Variants in SLC4A10 observed in about 807,000 individuals in gnomAD.
SLC4A10 encodes solute carrier family 4 member 10, also known as sodium-driven chloride bicarbonate exchanger.
SLC4A10 carries 42 observed loss-of-function variants against 137.7 expected under a neutral mutation model. The observed-to-expected ratio is 0.30, with a 90% CI of 0.24 to 0.39. The LOEUF (loss-of-function observed/expected upper bound fraction) is 0.39, where lower values mean the gene tolerates loss of function less well. Ranked by LOEUF, SLC4A10 falls within the 10% of genes least tolerant of loss-of-function variation. The pLI, the probability that SLC4A10 is intolerant of heterozygous loss-of-function variation, is 1.00. For synonymous variants in SLC4A10, 474 were observed against 464.1 expected, an observed-to-expected ratio of 1.02 and a Z score of -0.27; for missense variants, 925 against 1,355.0, an observed-to-expected ratio of 0.68 and a Z score of 4.98.
intron 3 of SLC4A10, among the ~76,000 whole-genome samples, chr2:161,818,097 T>C (rs184503699): frequency 0.066 from 9,990 of 152,108 alleles, 411 homozygotes; most frequent in East Asian, 0.15. Flanking sequence ...TGATATTGAT[T>C]CTTCCTACCC....
chr2:161,770,981 TGAA>T lies in SLC4A10; in HGVS notation c.62_64del (p.Glu21del), dbSNP rs1437117111. 3 of 1,602,730 alleles carry T rather than the reference TGAA, an allele frequency of 1.9e-6. No individual in the cohort carries two copies. Among genetic ancestry groups the T allele is most frequent in the Non-Finnish European group, 2.6e-6 (3 of 1,172,964 alleles). ...TTATCCTCATTTAACAGAGAAATGA[TGAA>T]GAAGCAGTTGTGGATAGAGGTGGAA... On this transcript the variant is annotated inframe_deletion, in exon 2 of 27. Coordinates refer to ENST00000446997, the MANE Select transcript of SLC4A10 (RefSeq NM_001178015.2).
intron 11 of SLC4A10, among the ~76,000 whole-genome samples, chr2:161,897,473 G>A (rs1437921477): frequency 6.6e-6 from 1 of 152,130 alleles, no homozygotes; most frequent in Non-Finnish European, 1.5e-5. Flanking sequence ...TGCTTTGCCA[G>A]AGGTGGGCAA....
intron 1 of SLC4A10, among the ~76,000 whole-genome samples, chr2:161,681,183 G>C (rs1348416844): frequency 6.6e-6 from 1 of 152,096 alleles, no homozygotes; most frequent in Non-Finnish European, 1.5e-5. Flanking sequence ...AGAGAACATA[G>C]TGGACTCTCA....
intron 10 of SLC4A10, among the ~76,000 whole-genome samples, chr2:161,888,149 T>A (rs146020378): frequency 0.01 from 1,557 of 152,270 alleles, 19 homozygotes; most frequent in South Asian, 0.026. Context: ...TCTGTTCTGT[T>A]CCATTGGTCT....
intron 1 of SLC4A10, among the ~76,000 whole-genome samples, chr2:161,765,940 TAA>T (rs1201017141): frequency 3.9e-5 from 6 of 152,108 alleles, no homozygotes; most frequent in Admixed American, 3.9e-4. Flanking sequence ...AATGCTCTAT[TAA>T]AAAGTTTTGA....
chr2:161,679,686 C>T (rs1376890847), intron 1 of SLC4A10, among the ~76,000 whole-genome samples: 2 of 136,694 alleles, frequency 1.5e-5, no homozygotes, highest in African/African-American at 5.5e-5. Flanking sequence ...TGTAGGTCAA[C>T]GTGTGTGTGT....
chr2:161,878,889 C>T (rs1575416497), intron 8 of SLC4A10, among the ~76,000 whole-genome samples: 2 of 152,000 alleles, frequency 1.3e-5, no homozygotes, highest in Admixed American at 6.6e-5. Context: ...GCTGGAGAAA[C>T]TTCTTTTAAA....
At chr2:161,697,518 A>G (rs1339649340) in intron 1 of SLC4A10, among the ~76,000 whole-genome samples, 1 of 152,076 alleles carries the variant, frequency 6.6e-6, no homozygotes, top group African/African-American at 2.4e-5. Flanking sequence ...TCAACTTTCT[A>G]CATATGGCTA....
At chr2:161,693,132 A>G (rs1462854625) in intron 1 of SLC4A10, among the ~76,000 whole-genome samples, 1 of 152,032 alleles carries the variant, frequency 6.6e-6, no homozygotes. Context: ...TATGATTTTT[A>G]CACCTTAGAT....
At chr2:161,704,933 C>T (rs1310294325) in intron 1 of SLC4A10, among the ~76,000 whole-genome samples, 2 of 151,594 alleles carry the variant, frequency 1.3e-5, no homozygotes, top group East Asian at 3.9e-4. Context: ...ATTTTTAAGA[C>T]TCAATACATT....
intron 3 of SLC4A10, among the ~76,000 whole-genome samples, chr2:161,821,556 G>A (rs896597002): frequency 2.5e-4 from 38 of 152,252 alleles, no homozygotes; most frequent in African/African-American, 9.1e-4. Flanking sequence ...TTGAGCCCAG[G>A]AGTTCAGGGT....
intron 15 of SLC4A10, among the ~76,000 whole-genome samples, chr2:161,939,297 G>A (rs1559581063): frequency 6.6e-6 from 1 of 151,844 alleles, no homozygotes; most frequent in African/African-American, 2.4e-5. Context: ...GGATGGTCTC[G>A]ATCTCTTGAC....
chr2:161,716,803 T>C (rs1013870076), intron 1 of SLC4A10, among the ~76,000 whole-genome samples: 1 of 152,144 alleles, frequency 6.6e-6, no homozygotes, highest in Non-Finnish European at 1.5e-5. Context: ...CTTTTCTGGT[T>C]CCATATGAAT....
chr2:161,674,422 G>T (rs2040067299), intron 1 of SLC4A10, among the ~76,000 whole-genome samples: 1 of 152,184 alleles, frequency 6.6e-6, no homozygotes, highest in South Asian at 2.1e-4. Context: ...TATTATAGCA[G>T]ATGTTTAATA....
intron 1 of SLC4A10, among the ~76,000 whole-genome samples, chr2:161,701,112 A>G (rs75529773): frequency 0.011 from 1,729 of 152,186 alleles, 58 homozygotes; most frequent in East Asian, 0.09. Context: ...GAGAAAACTG[A>G]GACAGAAAGC....
At chr2:161,656,206 A>G (rs541953404) in intron 1 of SLC4A10, among the ~76,000 whole-genome samples, 1 of 152,336 alleles carries the variant, frequency 6.6e-6, no homozygotes, top group East Asian at 1.9e-4. Context: ...GATATACCAC[A>G]TTAACAGAAT....
At chr2:161,690,810 G>A (rs1172736165) in intron 1 of SLC4A10, among the ~76,000 whole-genome samples, 1 of 152,138 alleles carries the variant, frequency 6.6e-6, no homozygotes, top group Non-Finnish European at 1.5e-5. Context: ...AGGAGGGACA[G>A]CATCAGGAAA....
intron 15 of SLC4A10, among the ~76,000 whole-genome samples, chr2:161,934,324 C>A (rs571578309): frequency 6.6e-6 from 1 of 152,244 alleles, no homozygotes; most frequent in African/African-American, 2.4e-5. Context: ...CCTCATTACC[C>A]TTCCCAGCCT....
chr2:161,977,541 C>T (rs1218205907), intron 25 of SLC4A10, among the ~76,000 whole-genome samples, 181 bp from the exon 26 acceptor site: 3 of 152,136 alleles, frequency 2.0e-5, no homozygotes, highest in Admixed American at 1.3e-4. Context: ...TCAAGTCACC[C>T]AGTCTTCTTA....
Sources: gnomAD v4.1 joint callset for allele counts (sites outside exome capture counted in the v4.1 genomes callset) on GRCh38, gnomAD v4.1.1 for gene constraint, MANE v1.5 for transcripts, NCBI Gene and HGNC (gene_info 2026-07-23, HGNC 2026-07-21) for gene names.